The following PDZD2 variants were observed in gnomAD, a reference collection of about 807,000 sequenced individuals.
The protein encoded by PDZD2 is PDZ domain-containing protein 2.
PDZD2 carries 90 observed loss-of-function variants against 220.7 expected under a neutral mutation model. The ratio of observed to expected loss-of-function variants is 0.41; its 90% CI spans 0.34 to 0.49. The LOEUF (loss-of-function observed/expected upper bound fraction) is 0.49. Ranked by LOEUF, PDZD2 falls within the 20% of genes least tolerant of loss-of-function variation. The probability of loss-of-function intolerance (pLI) is 0.28; values close to 1 mark genes in which losing one functional copy is unlikely to be tolerated. For missense variants in PDZD2, 3,174 were observed against 3,608.5 expected, an observed-to-expected ratio of 0.88 and a Z score of 3.08; for synonymous variants, 1,375 against 1,450.5, an observed-to-expected ratio of 0.95 and a Z score of 1.18.
At chr5:31,696,841 G>C (rs1200462079) in intron 1 of PDZD2, among the ~76,000 whole-genome samples, 1 of 152,122 alleles carries the variant, frequency 6.6e-6, no homozygotes, top group Non-Finnish European at 1.5e-5. Flanking sequence ...TACGCTGAAT[G>C]AGCCTCCATC....
At chr5:31,874,218 C>T (rs1447854734) in intron 2 of PDZD2, among the ~76,000 whole-genome samples, 1 of 152,194 alleles carries the variant, frequency 6.6e-6, no homozygotes. Flanking sequence ...AAATATTAAT[C>T]ACTGCTAAAA....
At chr5:31,936,272 A>G (rs1473672202) in intron 2 of PDZD2, 2 of 987,648 alleles carry the variant, frequency 2.0e-6, no homozygotes, top group African/African-American at 3.5e-5. Flanking sequence ...AGCACAACCA[A>G]CTTTGGAGTC....
rs529371703 is a variant in PDZD2, at chr5:31,887,636, G to T, written c.476+87912G>T. On this transcript the variant is annotated intron_variant, in intron 2 of 24. Coordinates refer to ENST00000438447, the MANE Select transcript of PDZD2 (RefSeq NM_178140.4). ...CTGATTATCAATTGTCCGTTGTTCT[G>T]TTGGAACAATAGGGCTGATTTTTCT... Among the ~76,000 whole-genome samples, 3 of 152,208 alleles carry T rather than the reference G, an allele frequency of 2.0e-5. No homozygotes were observed. The South Asian group carries it at 6.2e-4, about 32-fold the overall frequency.
chr5:31,738,609 C>A (rs887116892), intron 1 of PDZD2: 2 of 152,202 alleles, frequency 1.3e-5, no homozygotes, highest in African/African-American at 2.4e-5. Flanking sequence ...TCATCCGTTT[C>A]ATGGGACTTC....
At position 32,052,599 on chromosome 5, in the gene PDZD2, G is replaced by A; in HGVS notation, c.1666-12G>A. Reference sequence around the variant, plus strand: ...AGAGTAATCTCTGACCTTGCCGTGTGCTGACTTTTAGGAATACCACATTGT... The same window carrying A: ...AGAGTAATCTCTGACCTTGCCGTGTACTGACTTTTAGGAATACCACATTGT... On this transcript the variant is annotated splice_polypyrimidine_tract_variant and intron_variant, in intron 8 of 24. Coordinates refer to ENST00000438447, the MANE Select transcript of PDZD2 (RefSeq NM_178140.4). 2 of 1,613,062 alleles carry A rather than the reference G, an allele frequency of 1.2e-6. No individual in the cohort carries two copies. Among genetic ancestry groups the A allele is most frequent in the Non-Finnish European group, 1.7e-6 (2 of 1,179,062 alleles).
intron 5 of PDZD2, among the ~76,000 whole-genome samples, chr5:32,009,337 T>C (rs1339074197): frequency 1.4e-5 from 1 of 73,370 alleles, no homozygotes; most frequent in African/African-American, 8.0e-5. Flanking sequence ...AGCGAGACTC[T>C]TGTCTCAAAA....
chr5:32,002,851 A>AAC (rs760699300), intron 5 of PDZD2, among the ~76,000 whole-genome samples: 1 of 91,864 alleles, frequency 1.1e-5, no homozygotes, highest in Non-Finnish European at 2.1e-5. Flanking sequence ...ACCACACACC[A>AAC]ACACACACAC....
At chr5:31,927,419 C>T (rs1415598155) in intron 2 of PDZD2, among the ~76,000 whole-genome samples, 2 of 152,066 alleles carry the variant, frequency 1.3e-5, no homozygotes, top group African/African-American at 4.8e-5. Context: ...GTGTCTCACT[C>T]TGTCACCCAG....
chr5:31,949,218 AT>A (rs773727908), intron 2 of PDZD2, among the ~76,000 whole-genome samples: 10 of 148,420 alleles, frequency 6.7e-5, no homozygotes, highest in Admixed American at 1.4e-4. Flanking sequence ...AGAGAATCTC[AT>A]TTTTTTTTTA....
chr5:31,673,928 G>A (rs989007030), intron 1 of PDZD2, among the ~76,000 whole-genome samples: 2 of 152,084 alleles, frequency 1.3e-5, no homozygotes, highest in African/African-American at 4.8e-5. Context: ...CTGAGATCAC[G>A]CCACTGTACT....
At chr5:31,882,873 A>T (rs1418598868) in intron 2 of PDZD2, among the ~76,000 whole-genome samples, 2 of 151,930 alleles carry the variant, frequency 1.3e-5, no homozygotes, top group Non-Finnish European at 2.9e-5. Flanking sequence ...CGCTAAAAAT[A>T]ACAAAAGTTA....
chr5:32,101,947 C>A (rs1250157848), intron 24 of PDZD2, among the ~76,000 whole-genome samples: 1 of 152,114 alleles, frequency 6.6e-6, no homozygotes, highest in Non-Finnish European at 1.5e-5. Flanking sequence ...TTTAAAGTTA[C>A]AGTATGTAAC....
chr5:31,933,070 C>T (rs1745436592), intron 2 of PDZD2, among the ~76,000 whole-genome samples: 1 of 152,072 alleles, frequency 6.6e-6, no homozygotes, highest in South Asian at 2.1e-4. Flanking sequence ...GCCACCACGC[C>T]TGGCCAATTT....
chr5:31,903,607 G>A (rs1742328747), intron 2 of PDZD2, among the ~76,000 whole-genome samples: 1 of 128,554 alleles, frequency 7.8e-6, no homozygotes, highest in African/African-American at 3.0e-5. Context: ...TCACGCCACT[G>A]TACTCTAGCC....
At chr5:31,915,269 C>T (rs931456675) in intron 2 of PDZD2, among the ~76,000 whole-genome samples, 1 of 152,120 alleles carries the variant, frequency 6.6e-6, no homozygotes, top group Non-Finnish European at 1.5e-5. Flanking sequence ...AAATGATGAG[C>T]CCGTGGCATC....
At chr5:31,886,946 G>T (rs1392568757) in intron 2 of PDZD2, among the ~76,000 whole-genome samples, 4 of 152,154 alleles carry the variant, frequency 2.6e-5, no homozygotes, top group African/African-American at 9.7e-5. Context: ...TGATCCGCCT[G>T]CCTCGGCCTC....
chr5:31,643,124 C>T (rs1251679654), intron 1 of PDZD2, among the ~76,000 whole-genome samples: 4 of 152,090 alleles, frequency 2.6e-5, no homozygotes, highest in Non-Finnish European at 5.9e-5. Flanking sequence ...TTTGGAAGGC[C>T]CTCCATGACC....
intron 2 of PDZD2, among the ~76,000 whole-genome samples, chr5:31,818,834 A>G (rs1004199567): frequency 6.6e-6 from 1 of 152,230 alleles, no homozygotes; most frequent in African/African-American, 2.4e-5. Context: ...TTTTATGTTA[A>G]GATCTAGTCT....
intron 1 of PDZD2, among the ~76,000 whole-genome samples, chr5:31,654,768 T>A (rs556518781): frequency 2.0e-5 from 3 of 152,274 alleles, no homozygotes; most frequent in Non-Finnish European, 4.4e-5. Flanking sequence ...TTGTTCCCTT[T>A]CCTCCTCATA....
Sources: gnomAD v4.1 joint callset for allele counts (sites outside exome capture counted in the v4.1 genomes callset) on GRCh38, gnomAD v4.1.1 for gene constraint, MANE v1.5 for transcripts, NCBI Gene and HGNC (gene_info 2026-07-23, HGNC 2026-07-21) for gene names.